The following PPP2CB variants were observed in gnomAD, a reference collection of about 807,000 sequenced individuals.
PPP2CB encodes serine/threonine-protein phosphatase 2A catalytic subunit beta isoform.
Under a neutral mutation model 39.1 loss-of-function variants are expected in PPP2CB, and 18 were observed. That is an observed-to-expected ratio of 0.46 (90% CI 0.32 to 0.68). The LOEUF is 0.68. Ranked by LOEUF, PPP2CB falls within the 30% of genes least tolerant of loss-of-function variation. PPP2CB has a pLI of 0.04. For synonymous variants in PPP2CB, 129 were observed against 133.8 expected (o/e 0.96, Z 0.25); for missense variants, 226 against 396.9 (o/e 0.57, Z 3.66).
At chr8:30,799,959 C>G (rs1026490035) in intron 1 of PPP2CB, among the ~76,000 whole-genome samples, 3 of 152,092 alleles carry the variant, frequency 2.0e-5, no homozygotes, top group African/African-American at 7.2e-5. Context: ...AAACTGGAAC[C>G]CTCATACACT....
At chr8:30,803,815 T>C (rs1270046843) in intron 1 of PPP2CB, among the ~76,000 whole-genome samples, 4 of 151,062 alleles carry the variant, frequency 2.6e-5, no homozygotes, top group African/African-American at 9.8e-5. Flanking sequence ...AAAGACAAAA[T>C]ACAATTTTTT....
At chr8:30,805,125 G>A (rs1040258357) in intron 1 of PPP2CB, among the ~76,000 whole-genome samples, 5 of 152,132 alleles carry the variant, frequency 3.3e-5, no homozygotes, top group African/African-American at 1.2e-4. Flanking sequence ...CTTCTTCACT[G>A]CCCACAGGAA....
At chr8:30,788,016 T>C (rs1483165681) in intron 6 of PPP2CB, among the ~76,000 whole-genome samples, 2 of 152,228 alleles carry the variant, frequency 1.3e-5, no homozygotes, top group Non-Finnish European at 2.9e-5. Flanking sequence ...TCCTTTTTAT[T>C]TCAGTAAGGT....
At chr8:30,791,098 T>C in intron 6 of PPP2CB, 99 bp downstream of exon 6, 1 of 739,008 alleles carries the variant, frequency 1.4e-6, no homozygotes, top group Non-Finnish European at 2.2e-6. Flanking sequence ...GGGGCTTTGC[T>C]ATACTCCTCA....
At chr8:30,804,324 C>T (rs199756465) in intron 1 of PPP2CB, among the ~76,000 whole-genome samples, 3 of 152,162 alleles carry the variant, frequency 2.0e-5, no homozygotes, top group Non-Finnish European at 2.9e-5. Context: ...TAACCTCACC[C>T]GAGGAGAGGT....
At chr8:30,791,455 T>C (rs1040671667) in intron 5 of PPP2CB, 140 bp from the exon 6 acceptor site, 2 of 636,502 alleles carry the variant, frequency 3.1e-6, no homozygotes, top group Non-Finnish European at 5.4e-6. Context: ...AAGGTCTCCA[T>C]CTTTAATAGT....
intron 5 of PPP2CB, among the ~76,000 whole-genome samples, chr8:30,792,114 T>A (rs1027537703): frequency 6.8e-6 from 1 of 148,076 alleles, no homozygotes; most frequent in Non-Finnish European, 1.5e-5. Flanking sequence ...TGGAGTGCAG[T>A]GGTGCGATCT....
intron 6 of PPP2CB, among the ~76,000 whole-genome samples, chr8:30,788,267 GT>G (rs550372112): frequency 2.8e-5 from 4 of 144,318 alleles, no homozygotes; most frequent in Admixed American, 1.4e-4. Flanking sequence ...TTTTTTTTTT[GT>G]TTTTTTCTTT....
At chr8:30,808,561 A>G (rs1236804753) in intron 1 of PPP2CB, among the ~76,000 whole-genome samples, 1 of 152,234 alleles carries the variant, frequency 6.6e-6, no homozygotes, top group Non-Finnish European at 1.5e-5. Context: ...TAGTTTATAT[A>G]ATTAGGTTTG....
intron 2 of PPP2CB, among the ~76,000 whole-genome samples, chr8:30,798,518 G>A (rs1444864693): frequency 2.6e-5 from 4 of 152,188 alleles, no homozygotes; most frequent in Non-Finnish European, 4.4e-5. Flanking sequence ...TTACATGTAC[G>A]ATGTTGGCTG....
chr8:30,809,495 C>A (rs1278616827), intron 1 of PPP2CB, among the ~76,000 whole-genome samples: 1 of 152,084 alleles, frequency 6.6e-6, no homozygotes, highest in Non-Finnish European at 1.5e-5. Flanking sequence ...AAGAGGGCTG[C>A]AAAACTAAGC....
At chr8:30,789,727 A>C (rs10089206) in intron 6 of PPP2CB, among the ~76,000 whole-genome samples, 14,049 of 152,244 alleles carry the variant, frequency 0.092, 662 homozygotes, top group South Asian at 0.12. Flanking sequence ...TTTAAGCCTC[A>C]CATACTAGTG....
chr8:30,793,886 A>G (rs746532316), intron 5 of PPP2CB, 31 bp downstream of exon 5: 2 of 1,586,682 alleles, frequency 1.3e-6, no homozygotes, highest in East Asian at 4.5e-5. Flanking sequence ...CTAATCTGAA[A>G]TAAAGATCAT....
At chr8:30,809,067 G>A (rs762509087) in intron 1 of PPP2CB, among the ~76,000 whole-genome samples, 39 of 149,672 alleles carry the variant, frequency 2.6e-4, no homozygotes, top group Admixed American at 4.0e-4. Flanking sequence ...GCAACACTAC[G>A]CCCAGCTAAT....
intron 1 of PPP2CB, among the ~76,000 whole-genome samples, chr8:30,808,292 T>C (rs961069371): frequency 5.3e-5 from 8 of 151,602 alleles, no homozygotes; most frequent in Non-Finnish European, 1.2e-4. Flanking sequence ...AGAGATAGGG[T>C]TTTACCATGT....
At chr8:30,797,793 T>G (rs558380344) in intron 2 of PPP2CB, 39 bp from the exon 3 acceptor site, 1 of 1,595,846 alleles carries the variant, frequency 6.3e-7, no homozygotes, top group Non-Finnish European at 8.5e-7. Context: ...AAAATCACAT[T>G]TTTACTAGTG....
chr8:30,786,756 T>C (rs377322403), intron 6 of PPP2CB, among the ~76,000 whole-genome samples: 3 of 150,950 alleles, frequency 2.0e-5, no homozygotes, highest in African/African-American at 7.3e-5. Flanking sequence ...CTCCGCCTCC[T>C]GGGTTCATAC....
chr8:30,811,625 A>G (rs1395426115), intron 1 of PPP2CB, among the ~76,000 whole-genome samples: 6 of 150,844 alleles, frequency 4.0e-5, no homozygotes, highest in African/African-American at 1.5e-4. Context: ...CCTCCCGAAT[A>G]GCTGGGATTA....
At chr8:30,791,897 T>C (rs939974332) in intron 5 of PPP2CB, among the ~76,000 whole-genome samples, 1 of 151,338 alleles carries the variant, frequency 6.6e-6, no homozygotes, top group Non-Finnish European at 1.5e-5. Context: ...TATACATGTG[T>C]ATATACATGT....
Sources: allele counts gnomAD v4.1 joint callset (sites outside exome capture counted in the v4.1 genomes callset), GRCh38; gene constraint gnomAD v4.1.1; transcripts MANE v1.5; gene names NCBI Gene and HGNC (gene_info 2026-07-23, HGNC 2026-07-21).